The following SLC34A1 variants were observed in gnomAD, a reference collection of about 807,000 sequenced individuals.
SLC34A1 encodes sodium-dependent phosphate transport protein 2A.
SLC34A1 carries 57 observed loss-of-function variants against 51.4 expected under a neutral mutation model. The observed-to-expected ratio is 1.11, with a 90% CI of 0.90 to 1.38. The LOEUF (loss-of-function observed/expected upper bound fraction) is 1.38. SLC34A1 is among the 40% of genes most tolerant of loss of function. The pLI is 0.00. For missense variants in SLC34A1, 796 were observed against 835.6 expected (o/e 0.95, Z 0.58); for synonymous variants, 368 against 358.0 (o/e 1.03, Z -0.32).
chr5:177,389,525 C>G lies in SLC34A1; in HGVS notation c.936+1153C>G, dbSNP rs979857662. The G allele has an allele frequency of 1.0e-5, 14 of 1,365,418 alleles. No individual in the cohort carries two copies. In the South Asian group the frequency reaches 1.9e-4, roughly 18 times the overall value. 84.6% of individuals were successfully genotyped at this position (1,365,418 alleles called of 1,614,324 possible). A position where few individuals can be genotyped will look rare whatever the true frequency, so the allele number is the denominator to read the frequency against. On this transcript the variant is annotated intron_variant, in intron 8 of 12. Coordinates refer to ENST00000324417, the MANE Select transcript of SLC34A1 (RefSeq NM_003052.5). ...AGCCTTACATAAAAAAAAACCCCTGCGGGCAGCTTTTACGCTGACTTCATG... is the reference window on the plus strand; with the variant it reads ...AGCCTTACATAAAAAAAAACCCCTGGGGGCAGCTTTTACGCTGACTTCATG...
intron 8 of SLC34A1, chr5:177,389,797 C>T: frequency 6.5e-7 from 1 of 1,531,834 alleles, no homozygotes; most frequent in Non-Finnish European, 8.7e-7. Flanking sequence ...CACTTGAAGT[C>T]ATCCTCACCC....
At chr5:177,393,849 G>A in intron 9 of SLC34A1, 86 bp downstream of exon 9, 1 of 1,520,942 alleles carries the variant, frequency 6.6e-7, no homozygotes, top group Non-Finnish European at 9.1e-7. Flanking sequence ...CCACTATTGT[G>A]TCCAGCCCCA....
intron 8 of SLC34A1, chr5:177,390,429 G>T: frequency 2.1e-6 from 2 of 960,486 alleles, no homozygotes; most frequent in Non-Finnish European, 2.5e-6. Flanking sequence ...TTTTACAGAC[G>T]AGGAGCACTG....
intron 6 of SLC34A1, 46 bp from the exon 7 acceptor site, chr5:177,387,948 T>C: frequency 6.2e-7 from 1 of 1,610,902 alleles, no homozygotes. Flanking sequence ...CAGGCGTGAC[T>C]GTGCACTGGC....
In SLC34A1 at chr5:177,386,184, G is replaced by A; in HGVS notation, c.260-37G>A. On this transcript the variant is annotated intron_variant, in intron 3 of 12. Transcript: ENST00000324417. The surrounding 1 kb of genome is among the most constrained non-coding windows in gnomAD (Gnocchi z 4.8). ...AGAGGCGGCAGCAGTCCCTGCCCTG[G>A]CCTCTGCCCACTATGCTCATGGCTT... The A allele has an allele frequency of 6.2e-7, 1 of 1,614,040 alleles. No homozygotes were observed. The highest frequency in any genetic ancestry group is 1.7e-5 in the Admixed American group (1 of 60,034).
intron 1 of SLC34A1, among the ~76,000 whole-genome samples, chr5:177,385,436 G>A (rs1166243396): frequency 6.6e-6 from 1 of 152,010 alleles, no homozygotes; most frequent in Admixed American, 6.5e-5. Flanking sequence ...ACACCCCTCC[G>A]AGACTCACAT....
Position 177,388,131 on chromosome 5 carries a change from G to T in SLC34A1, c.782G>T (p.Arg261Leu), listed in dbSNP as rs144306414. 3 of 1,614,106 alleles carry T rather than the reference G, an allele frequency of 1.9e-6. No homozygotes were observed. In the East Asian group the frequency reaches 6.7e-5, roughly 36 times the overall value. ...GCCTCCTTCAACATCCATGGTGGCC[G>T]TGATGCTCCTGACCTGCTCAAGATC... ...VVASFNIHGGRDAPDLLKIIT... is the reference protein window; with the variant it reads ...VVASFNIHGGLDAPDLLKIIT... Residue 261 changes from arginine to leucine, a missense_variant, in exon 7 of 13, where the codon CGT (arginine) becomes CTT (leucine). Transcript: ENST00000324417. This position sits in a 1 kb window ranked among gnomAD's most constrained non-coding sequence, Gnocchi z 4.3.
At position 177,388,173 on chromosome 5, in the gene SLC34A1, C is replaced by A. The variant is rs770889982; in HGVS notation, c.824C>A (p.Thr275Lys). Residue 275 changes from threonine to lysine, a missense_variant, in exon 7 of 13, where the codon ACG becomes AAG. Transcript: ENST00000324417. This position sits in a 1 kb window ranked among gnomAD's most constrained non-coding sequence, Gnocchi z 4.3. Reference protein sequence around the residue: ...DLLKIITEPFTKLIIQLDESV... With the variant: ...DLLKIITEPFKKLIIQLDESV... ...CTCAAGATCATCACAGAGCCCTTCA[C>A]GAAGCTCATCATCCAGGTGACAGCA... is the stretch of plus-strand genomic sequence containing the variant. 1.9e-6 allele frequency: 3 copies of A among 1,614,024 alleles called. No individual in the cohort carries two copies. The highest frequency in any genetic ancestry group is 1.3e-5 in the African/African-American group (1 of 74,902).
At position 177,388,546 on chromosome 5, in the gene SLC34A1, C is replaced by T. The variant is rs1452077077; in HGVS notation, c.936+174C>T. On this transcript the variant is annotated intron_variant, in intron 8 of 12. Transcript: ENST00000324417. This position sits in a 1 kb window ranked among gnomAD's most constrained non-coding sequence, Gnocchi z 4.3. Reference sequence around the variant, plus strand: ...ATTGCTAATTCCTCCCAACTTCCCACATCGCCTTAGGCAGACATCACCAAT... The same window carrying T: ...ATTGCTAATTCCTCCCAACTTCCCATATCGCCTTAGGCAGACATCACCAAT... 6.6e-6 allele frequency among the ~76,000 whole-genome samples: 1 copy of T among 152,184 alleles called. No individual in the cohort carries two copies. Among genetic ancestry groups the T allele is most frequent in the African/African-American group, 2.4e-5 (1 of 41,444 alleles).
At chr5:177,390,991 C>CTT (rs1762782539) in intron 8 of SLC34A1, among the ~76,000 whole-genome samples, 1 of 152,186 alleles carries the variant, frequency 6.6e-6, no homozygotes, top group African/African-American at 2.4e-5. Flanking sequence ...TGGTGACACA[C>CTT]AGCTGGGAAC....
rs1762976426 is a variant in SLC34A1 at position 177,396,638 on chromosome 5, C to A, written c.1175-95C>A. 2.1e-6 allele frequency: 2 copies of A among 948,896 alleles called. No homozygotes were observed. The highest frequency in any genetic ancestry group is 3.4e-6 in the Non-Finnish European group (2 of 581,632). 58.8% of individuals were successfully genotyped at this position (948,896 alleles called of 1,614,324 possible). A position where few individuals can be genotyped will look rare whatever the true frequency, so the allele number is the denominator to read the frequency against. The stretch of plus-strand genomic sequence containing the variant: ...GCGGAGATCCGCTCTCCCAGTGCCC[C>A]CGCGGAGGTCCGCTCTCCCAGTGCC... On this transcript the variant is annotated intron_variant, in intron 10 of 12. Transcript: ENST00000324417. The surrounding 1 kb of genome is among the most constrained non-coding windows in gnomAD (Gnocchi z 4.0).
In SLC34A1 at chr5:177,393,768, G is replaced by A; in HGVS notation, c.1006+5G>A. The A allele has an allele frequency of 6.2e-7, 1 of 1,614,134 alleles. No homozygotes were observed. Among genetic ancestry groups the A allele is most frequent in the South Asian group, 1.1e-5 (1 of 91,074 alleles). ...GAAATGCCACCATGGAGAAATGTAA[G>A]TGCCTGCAACATGGGAGGTGTCCTG... On this transcript the variant is annotated splice_donor_5th_base_variant and intron_variant, in intron 9 of 12. Coordinates refer to ENST00000324417, the MANE Select transcript of SLC34A1 (RefSeq NM_003052.5).
In SLC34A1 at chr5:177,396,293, G is replaced by A. The variant is rs1033086582; in HGVS notation, c.1175-440G>A. ...TAGGATATTCCCAGCAGAGGGAACA[G>A]CCCCATCAAAGGCACAGTTGCCTGA... On this transcript the variant is annotated intron_variant, in intron 10 of 12. Transcript: ENST00000324417. This position sits in a 1 kb window ranked among gnomAD's most constrained non-coding sequence, Gnocchi z 4.0. Among the ~76,000 whole-genome samples, 20 of 152,222 alleles carry A rather than the reference G, an allele frequency of 1.3e-4. No homozygotes were observed. The highest frequency in any genetic ancestry group is 4.8e-4 in the African/African-American group (20 of 41,456).
At chr5:177,397,734 G>A in intron 12 of SLC34A1, 49 bp from the exon 13 acceptor site, 1 of 1,600,508 alleles carries the variant, frequency 6.2e-7, no homozygotes, top group Non-Finnish European at 8.5e-7. Flanking sequence ...CCTGACACAG[G>A]ACCTGGGAGC....
At chr5:177,387,948 TG>T (rs1311005918) in intron 6 of SLC34A1, 45 bp from the exon 7 acceptor site, 1 of 1,610,782 alleles carries the variant, frequency 6.2e-7, no homozygotes, top group Non-Finnish European at 8.5e-7. Context: ...CAGGCGTGAC[TG>T]TGCACTGGCT....
rs138027918 is a variant in SLC34A1 at position 177,398,003 on chromosome 5, C to T, written c.1637C>T (p.Thr546Met). 88 of 1,614,006 alleles carry T rather than the reference C, an allele frequency of 5.5e-5. No individual in the cohort carries two copies. The highest frequency in any genetic ancestry group is 8.0e-5 in the African/African-American group (6 of 74,936). Residue 546 changes from threonine to methionine, a missense_variant, in exon 13 of 13, where the codon ACG becomes ATG. Coordinates refer to ENST00000324417, the MANE Select transcript of SLC34A1 (RefSeq NM_003052.5). This position sits in a 1 kb window ranked among gnomAD's most constrained non-coding sequence, Gnocchi z 4.7. ...AGWQVMVGVGTPFGALLAFVV... is the reference protein window; with the variant it reads ...AGWQVMVGVGMPFGALLAFVV... ...TGGCAGGTCATGGTAGGTGTGGGCA[C>T]GCCCTTCGGGGCCCTGCTGGCCTTC...
Position 177,397,967 on chromosome 5 carries a change from CCATGGCAG to C in SLC34A1, c.1602_1609del (p.Met535LeufsTer67), listed in dbSNP as rs1763026555. 6.2e-7 allele frequency: 1 copy of C among 1,613,962 alleles called. No individual in the cohort carries two copies. The highest frequency in any genetic ancestry group is 8.5e-7 in the Non-Finnish European group (1 of 1,180,028). Reference sequence around the variant, plus strand: ...CTGCCCTCACTGGTGTTTGGCATCTCCATGGCAGGCTGGCAGGTCATGGTAGGTGTGGG... The same window carrying C: ...CTGCCCTCACTGGTGTTTGGCATCTCGCTGGCAGGTCATGGTAGGTGTGGG... On this transcript the variant is annotated frameshift_variant, in exon 13 of 13. Transcript: ENST00000324417. LOFTEE classifies it high-confidence loss of function.
chr5:177,390,735 AG>A, intron 8 of SLC34A1, among the ~76,000 whole-genome samples: 1 of 151,828 alleles, frequency 6.6e-6, no homozygotes, highest in Admixed American at 6.6e-5. Context: ...AAGGCCCTAG[AG>A]CTCCCCTTCC....
At position 177,397,796 on chromosome 5, in the gene SLC34A1, A is replaced by G; in HGVS notation, c.1430A>G (p.His477Arg). ...LSSAFQIALC[H>R]FFFNISGILL... ...CATCCCCTGCAGATTGCCCTCTGTC[A>G]CTTCTTCTTCAACATCTCGGGTATC... The change falls in exon 13 of 13, where the codon CAC (histidine) becomes CGC (arginine). Residue 477 changes from histidine to arginine, a missense_variant. By Grantham distance (29) the His-to-Arg change is conservative (BLOSUM62 0). Coordinates refer to ENST00000324417, the MANE Select transcript of SLC34A1 (RefSeq NM_003052.5). The G allele has an allele frequency of 6.2e-7, 1 of 1,610,552 alleles. No homozygotes were observed. Among genetic ancestry groups the G allele is most frequent in the Non-Finnish European group, 8.5e-7 (1 of 1,179,924 alleles).
Sources: gnomAD v4.1 joint callset for allele counts (sites outside exome capture counted in the v4.1 genomes callset) on GRCh38, gnomAD v4.1.1 for gene constraint, Gnocchi (gnomAD v3.1) non-coding constraint, MANE v1.5 for transcripts, NCBI Gene and HGNC (gene_info 2026-07-23, HGNC 2026-07-21) for gene names.